The following CA10 variants were observed in gnomAD, a reference collection of about 807,000 sequenced individuals.
CA10 encodes carbonic anhydrase 10 (inactive), also known as carbonic anhydrase-related protein 10.
Under a neutral mutation model 44.2 loss-of-function variants are expected in CA10, and 14 were observed. That is an observed-to-expected ratio of 0.32 (90% confidence interval 0.21 to 0.50). The LOEUF (loss-of-function observed/expected upper bound fraction) is 0.50, where lower values mean the gene tolerates loss of function less well. Ranked by LOEUF, CA10 falls within the 20% of genes least tolerant of loss-of-function variation. CA10 has a pLI of 0.99. For synonymous variants in CA10, 159 were observed against 141.6 expected (o/e 1.12, Z -0.87); for missense variants, 350 against 409.7 (o/e 0.85, Z 1.26).
intron 1 of CA10, among the ~76,000 whole-genome samples, chr17:52,118,441 T>C (rs572435892): frequency 6.6e-6 from 1 of 152,314 alleles, no homozygotes; most frequent in South Asian, 2.1e-4. Context: ...AATTCTATTT[T>C]ATAGCATCAA....
chr17:51,720,896 A>C (rs912577131), intron 4 of CA10, among the ~76,000 whole-genome samples: 1 of 152,212 alleles, frequency 6.6e-6, no homozygotes, highest in Admixed American at 6.5e-5. Flanking sequence ...ATAGATTGTT[A>C]ACATTCTCAC....
chr17:51,768,084 T>C (rs1195244821), intron 3 of CA10, among the ~76,000 whole-genome samples: 1 of 152,178 alleles, frequency 6.6e-6, no homozygotes, highest in Non-Finnish European at 1.5e-5. Context: ...ACCTGATTAT[T>C]TGCCACAATT....
chr17:52,067,503 C>T (rs113941843), intron 2 of CA10, among the ~76,000 whole-genome samples: 1,969 of 152,284 alleles, frequency 0.013, 29 homozygotes, highest in African/African-American at 0.04. Context: ...AAGGGAAATG[C>T]GGGGTGCGAA....
At chr17:52,103,328 A>G (rs140243301) in intron 1 of CA10, among the ~76,000 whole-genome samples, 1 of 152,100 alleles carries the variant, frequency 6.6e-6, no homozygotes, top group African/African-American at 2.4e-5. Flanking sequence ...TCCAGGATCA[A>G]CTCCCTGCCA....
intron 4 of CA10, among the ~76,000 whole-genome samples, chr17:51,654,911 C>G (rs570099652): frequency 2.0e-5 from 3 of 151,914 alleles, no homozygotes; most frequent in Admixed American, 1.3e-4. Context: ...TGATGCCCCC[C>G]CCACCACCTC....
At chr17:52,073,146 T>G (rs992417116) in intron 1 of CA10, among the ~76,000 whole-genome samples, 1 of 152,222 alleles carries the variant, frequency 6.6e-6, no homozygotes, top group Non-Finnish European at 1.5e-5. Flanking sequence ...CCCAGACACA[T>G]TGGAAGAAAA....
rs117894924 is a variant in CA10, at chr17:51,893,765, G to A, written c.279+37225C>T. ...AGGCATAGATATGCTTGCCAAACAA[G>A]CAATTGACCCAGTAAACAACATGGT... On this transcript the variant is annotated intron_variant, in intron 3 of 8. Transcript: ENST00000451037. Among the ~76,000 whole-genome samples the A allele has an allele frequency of 3.2e-3, 492 of 152,222 alleles. 2 individuals carry two copies. Among genetic ancestry groups the A allele is most frequent in the Non-Finnish European group, 6.0e-3 (406 of 68,008 alleles).
At chr17:52,080,956 C>A (rs1031367493) in intron 1 of CA10, among the ~76,000 whole-genome samples, 2 of 152,136 alleles carry the variant, frequency 1.3e-5, no homozygotes, top group Admixed American at 1.3e-4. Context: ...GTATTCTAAG[C>A]ATTGAGGGTA....
chr17:51,689,771 G>A (rs1161800085), intron 4 of CA10, among the ~76,000 whole-genome samples: 1 of 151,734 alleles, frequency 6.6e-6, no homozygotes, highest in Non-Finnish European at 1.5e-5. Context: ...CCTTCCTTTA[G>A]CATTTTAAAA....
At chr17:52,100,588 C>T (rs1030851949) in intron 1 of CA10, among the ~76,000 whole-genome samples, 4 of 152,310 alleles carry the variant, frequency 2.6e-5, no homozygotes, top group Non-Finnish European at 4.4e-5. Flanking sequence ...GTGATATCCT[C>T]AACAGCATAA....
intron 2 of CA10, among the ~76,000 whole-genome samples, chr17:52,039,687 C>T (rs2191401): frequency 0.99 from 150,829 of 152,192 alleles, 74,756 homozygotes; most frequent in East Asian, 1. Context: ...GACTCATTCA[C>T]CCTATATTTA....
intron 4 of CA10, among the ~76,000 whole-genome samples, chr17:51,746,478 A>C (rs1904692666): frequency 6.6e-6 from 1 of 152,238 alleles, no homozygotes; most frequent in African/African-American, 2.4e-5. Context: ...GCCTCTCTTT[A>C]CAGCCCAGTT....
intron 3 of CA10, among the ~76,000 whole-genome samples, chr17:51,884,346 C>A (rs373612978): frequency 2.6e-5 from 4 of 152,182 alleles, no homozygotes; most frequent in Admixed American, 6.5e-5. Flanking sequence ...AAAATCCTTG[C>A]AATCCCTCTC....
chr17:51,847,104 T>C (rs764996112), intron 3 of CA10, among the ~76,000 whole-genome samples: 8 of 152,162 alleles, frequency 5.3e-5, no homozygotes, highest in Non-Finnish European at 8.8e-5. Flanking sequence ...CAACATAGAT[T>C]TTCTTTAAAT....
intron 4 of CA10, among the ~76,000 whole-genome samples, chr17:51,667,191 T>C (rs1044437273): frequency 3.3e-5 from 5 of 152,084 alleles, no homozygotes; most frequent in Non-Finnish European, 1.5e-5. Context: ...ATGCACCACA[T>C]TGAAAAAGGA....
chr17:51,741,048 A>G (rs1904440928), intron 4 of CA10, among the ~76,000 whole-genome samples: 2 of 152,106 alleles, frequency 1.3e-5, no homozygotes, highest in South Asian at 4.1e-4. Flanking sequence ...AGACATTTTT[A>G]TTTGTTTTAT....
At chr17:51,653,764 A>C in intron 4 of CA10, 28 bp from the exon 5 acceptor site, 1 of 1,327,444 alleles carries the variant, frequency 7.5e-7, no homozygotes. Flanking sequence ...CAAGAATCAG[A>C]ACAATAATCC....
chr17:51,867,882 A>G (rs958100874), intron 3 of CA10, among the ~76,000 whole-genome samples: 3 of 152,256 alleles, frequency 2.0e-5, no homozygotes, highest in Non-Finnish European at 4.4e-5. Flanking sequence ...AGTTCCAAAC[A>G]TGCCTAATTA....
At chr17:51,961,123 T>C (rs544082825) in intron 2 of CA10, among the ~76,000 whole-genome samples, 1 of 151,974 alleles carries the variant, frequency 6.6e-6, no homozygotes, top group South Asian at 2.1e-4. Flanking sequence ...TGAACTTGTC[T>C]AGCCAGAACC....
Sources: allele counts gnomAD v4.1 joint callset (sites outside exome capture counted in the v4.1 genomes callset), GRCh38; gene constraint gnomAD v4.1.1; transcripts MANE v1.5; gene names NCBI Gene and HGNC (gene_info 2026-07-23, HGNC 2026-07-21).